MMP3: variants seen among roughly 807,000 people sequenced by gnomAD.
MMP3 encodes the protein matrix metallopeptidase 3.
In MMP3, 46 loss-of-function variants were observed where a neutral mutation model predicts 47.3. That is an observed-to-expected ratio of 0.97 (90% CI 0.77 to 1.24). The LOEUF is 1.24. MMP3 is among the 50% of genes most tolerant of loss of function. MMP3 has a pLI of 0.00. For missense variants in MMP3, 558 were observed against 565.5 expected, an observed-to-expected ratio of 0.99 and a Z score of 0.13; for synonymous variants, 216 against 206.5, an observed-to-expected ratio of 1.05 and a Z score of -0.39.
chr11:102,838,582 T>G lies in MMP3; in HGVS notation c.1198A>C (p.Thr400Pro). ...AAISDKEKNK[T>P]YFFVEDKYWR... ...TATTTGTCCTCTACAAAGAAATATGTTTTGTTCTTTTCCTTATCAGAAATG... is the reference window on the plus strand; with the variant it reads ...TATTTGTCCTCTACAAAGAAATATGGTTTGTTCTTTTCCTTATCAGAAATG... The change falls in exon 8 of 10, where the codon ACA becomes CCA. Residue 400 changes from threonine to proline, a missense_variant. By Grantham distance (38) the Thr-to-Pro change is conservative. Transcript: ENST00000299855. The G allele has an allele frequency of 2.5e-6, 4 of 1,613,894 alleles. No homozygotes were observed. Among genetic ancestry groups the G allele is most frequent in the Non-Finnish European group, 3.4e-6 (4 of 1,179,930 alleles).
chr11:102,840,298 C>T, intron 5 of MMP3, 46 bp from the exon 6 acceptor site: 1 of 1,599,660 alleles, frequency 6.3e-7, no homozygotes. Flanking sequence ...AATATATGCC[C>T]ATTTGTATGC....
chr11:102,838,137 A>G (rs1353702675), intron 8 of MMP3, among the ~76,000 whole-genome samples: 1 of 152,220 alleles, frequency 6.6e-6, no homozygotes, highest in Non-Finnish European at 1.5e-5. Context: ...ACAGTGAGAC[A>G]GTGAGCCAAA....
chr11:102,837,239 C>T lies in MMP3; in HGVS notation c.1333+59G>A. 1 of 1,332,046 alleles carries T rather than the reference C, an allele frequency of 7.5e-7. No homozygotes were observed. Among genetic ancestry groups the T allele is most frequent in the Middle Eastern group, 1.8e-4 (1 of 5,532 alleles). The allele number at this position is 1,332,046 out of a possible 1,614,324, so 82.5% of individuals were successfully genotyped here. A position where few individuals can be genotyped will look rare whatever the true frequency, so the allele number is the denominator to read the frequency against. ...TAAAAAGTTTCAATGCTCCTCTTCC[C>T]TCTGATATCATAAAATGTTTCAAGT... On this transcript the variant is annotated intron_variant, in intron 9 of 9. Transcript: ENST00000299855. This position sits in a 1 kb window ranked among gnomAD's most constrained non-coding sequence, Gnocchi z 4.4.
chr11:102,836,605 T>C lies in MMP3; in HGVS notation c.1334-379A>G. 2.1e-6 allele frequency: 1 copy of C among 476,546 alleles called. No homozygotes were observed. Among genetic ancestry groups the C allele is most frequent in the South Asian group, 1.6e-5 (1 of 64,300 alleles). 29.5% of individuals were successfully genotyped at this position (476,546 alleles called of 1,614,324 possible). The stretch of plus-strand genomic sequence containing the variant: ...ATAAATTCTCCACTTGCTTGGAAAC[T>C]CTCATCACCTATTTCTTTCTTCCCC... On this transcript the variant is annotated intron_variant, in intron 9 of 9. Coordinates refer to ENST00000299855, the MANE Select transcript of MMP3 (RefSeq NM_002422.5). The surrounding 1 kb of genome is among the most constrained non-coding windows in gnomAD (Gnocchi z 4.6).
intron 4 of MMP3, among the ~76,000 whole-genome samples, chr11:102,841,712 GAA>G (rs34093618): frequency 2.9e-4 from 36 of 122,260 alleles, no homozygotes; most frequent in African/African-American, 1.0e-3. Flanking sequence ...GCCTCAGCCA[GAA>G]AAAAAAAAAA....
chr11:102,842,404 C>CTTTTTTTTTTTTTTTTTTT lies in MMP3; in HGVS notation c.499+8_499+26dup, dbSNP rs11418340. The CTTTTTTTTTTTTTTTTTTT allele has an allele frequency of 5.8e-5, 47 of 813,326 alleles. 4 individuals carry two copies. Among genetic ancestry groups the CTTTTTTTTTTTTTTTTTTT allele is most frequent in the South Asian group, 1.7e-4 (6 of 36,128 alleles). The allele number at this position is 813,326 out of a possible 1,614,324, so 50.4% of individuals were successfully genotyped here. On this transcript the variant is annotated intron_variant, in intron 3 of 9. Coordinates refer to ENST00000299855, the MANE Select transcript of MMP3 (RefSeq NM_002422.5). ...GTGTTTTTTGTTTTGTTTTGTTTTG[C>CTTTTTTTTTTTTTTTTTTT]TTTTTTTTTTTTTTTTTTTTTTTTA...
At position 102,839,176 on chromosome 11, in the gene MMP3, A is replaced by G. The variant is rs139072785; in HGVS notation, c.1003T>C (p.Ser335Pro). The G allele has an allele frequency of 3.5e-4, 572 of 1,614,054 alleles. 1 individual carries two copies. Among genetic ancestry groups the G allele is most frequent in the Admixed American group, 5.8e-4 (35 of 60,004 alleles). The change falls in exon 7 of 10, where the codon TCT becomes CCT. Residue 335 changes from serine to proline, a missense_variant. Ser to Pro is a moderately conservative substitution (Grantham distance 74). Coordinates refer to ENST00000299855, the MANE Select transcript of MMP3 (RefSeq NM_002422.5). ...ELHLISSFWP[S>P]LPSGVDAAYE... is the part of the protein sequence containing the mutation. ...GCGGCATCCACGCCTGAAGGAAGAGATGGCCAAAATGAAGAGATCAAATGC... is the reference window on the plus strand; with the variant it reads ...GCGGCATCCACGCCTGAAGGAAGAGGTGGCCAAAATGAAGAGATCAAATGC...
At chr11:102,838,140 G>C (rs977157983) in intron 8 of MMP3, among the ~76,000 whole-genome samples, 4 of 152,180 alleles carry the variant, frequency 2.6e-5, no homozygotes, top group Non-Finnish European at 5.9e-5. Flanking sequence ...GTGAGACAGT[G>C]AGCCAAACTA....
Position 102,843,521 on chromosome 11 carries a change from A to G in MMP3, c.26T>C (p.Leu9Ser). 5 of 1,613,560 alleles carry G rather than the reference A, an allele frequency of 3.1e-6. No homozygotes were observed. Among genetic ancestry groups the G allele is most frequent in the South Asian group, 2.2e-5 (2 of 90,968 alleles). The change falls in exon 1 of 10, where the codon TTG (leucine) becomes TCG (serine). Residue 9 changes from leucine to serine, a missense_variant. Coordinates refer to ENST00000299855, the MANE Select transcript of MMP3 (RefSeq NM_002422.5). MKSLPILL[L>S]LCVAVCSAYP... is the part of the protein sequence containing the mutation. ...GGCTGAGCAAACTGCCACGCACAGCAACAGTAGGATTGGAAGACTCTTCAT... is the reference window on the plus strand; with the variant it reads ...GGCTGAGCAAACTGCCACGCACAGCGACAGTAGGATTGGAAGACTCTTCAT...
chr11:102,842,360 A>G (rs1402097664), intron 3 of MMP3, 71 bp downstream of exon 3: 1 of 1,552,920 alleles, frequency 6.4e-7, no homozygotes, highest in African/African-American at 1.4e-5. Context: ...CACCAGATAG[A>G]TGAATGGATA....
Position 102,836,308 on chromosome 11 carries a change from G to T in MMP3, c.1334-82C>A. ...AATATACAAAACTCAGAATCATAGA[G>T]AACTAAAAATAGAAAGTGTTTATAG... On this transcript the variant is annotated intron_variant, in intron 9 of 9. Coordinates refer to ENST00000299855, the MANE Select transcript of MMP3 (RefSeq NM_002422.5). The surrounding 1 kb of genome is among the most constrained non-coding windows in gnomAD (Gnocchi z 4.6). The T allele has an allele frequency of 2.8e-6, 3 of 1,073,898 alleles. No homozygotes were observed. The highest frequency in any genetic ancestry group is 2.8e-6 in the Non-Finnish European group (2 of 705,462). The allele number at this position is 1,073,898 out of a possible 1,614,324, so 66.5% of individuals were successfully genotyped here. A position where few individuals can be genotyped will look rare whatever the true frequency, so the allele number is the denominator to read the frequency against.
rs1858971487 is a variant in MMP3 at position 102,840,265 on chromosome 11, T to C, written c.791-13A>G. ...TCAGGGGGAGGTCCTAAAGGGAACA[T>C]TAGGGGAAATGTGATACGTTTCAAT... On this transcript the variant is annotated splice_polypyrimidine_tract_variant and intron_variant, in intron 5 of 9. Coordinates refer to ENST00000299855, the MANE Select transcript of MMP3 (RefSeq NM_002422.5). The C allele has an allele frequency of 6.2e-6, 10 of 1,610,836 alleles. No homozygotes were observed. Among genetic ancestry groups the C allele is most frequent in the Non-Finnish European group, 8.5e-6 (10 of 1,178,994 alleles).
chr11:102,842,000 T>C (rs1163943798), intron 4 of MMP3, among the ~76,000 whole-genome samples, 154 bp downstream of exon 4: 1 of 152,212 alleles, frequency 6.6e-6, no homozygotes, highest in Non-Finnish European at 1.5e-5. Flanking sequence ...CTGAAAATAT[T>C]TTCAATAATA....
In MMP3 at chr11:102,842,472, T is replaced by C. The variant is rs782555708; in HGVS notation, c.458A>G (p.Tyr153Cys). 2.8e-6 allele frequency: 4 copies of C among 1,411,956 alleles called. No homozygotes were observed. Among genetic ancestry groups the C allele is most frequent in the African/African-American group, 3.0e-5 (2 of 65,730 alleles). The allele number at this position is 1,411,956 out of a possible 1,614,324, so 87.5% of individuals were successfully genotyped here. Residue 153 changes from tyrosine to cysteine, a missense_variant, in exon 3 of 10, where the codon TAT becomes TGT. Physicochemically the swap from Tyr to Cys is radical, Grantham distance 194 (BLOSUM62 -2). Transcript: ENST00000299855. Reference sequence around the variant, plus strand: ...GATCATTATATCAGCCTCTCCTTCATACAGCCTGGAGAATGTGAGTGGAGT... The same window carrying C: ...GATCATTATATCAGCCTCTCCTTCACACAGCCTGGAGAATGTGAGTGGAGT... ...EVTPLTFSRL[Y>C]EGEADIMISF...
intron 3 of MMP3, 60 bp from the exon 4 acceptor site, chr11:102,842,339 C>T (rs1859014434): frequency 1.9e-6 from 3 of 1,567,800 alleles, no homozygotes; most frequent in East Asian, 4.5e-5. Flanking sequence ...GAGCCTTTTC[C>T]AGTACAACAA....
At chr11:102,838,466 A>G (rs1017288400) in intron 8 of MMP3, 85 bp downstream of exon 8, 10 of 1,417,596 alleles carry the variant, frequency 7.1e-6, no homozygotes, top group African/African-American at 2.9e-5. Flanking sequence ...AAGCAGGCCT[A>G]AGGTTGGGGT....
At position 102,836,389 on chromosome 11, in the gene MMP3, T is replaced by A; in HGVS notation, c.1334-163A>T. 1.5e-6 allele frequency: 1 copy of A among 679,460 alleles called. No individual in the cohort carries two copies. Among genetic ancestry groups the A allele is most frequent in the Non-Finnish European group, 2.7e-6 (1 of 366,524 alleles). The allele number at this position is 679,460 out of a possible 1,614,324, so 42.1% of individuals were successfully genotyped here. A position where few individuals can be genotyped will look rare whatever the true frequency, so the allele number is the denominator to read the frequency against. On this transcript the variant is annotated intron_variant, in intron 9 of 9. Transcript: ENST00000299855. This position sits in a 1 kb window ranked among gnomAD's most constrained non-coding sequence, Gnocchi z 4.6. Reference sequence around the variant, plus strand: ...GCTTGTTACATGAATTTATTTTCATTTATTTCTGCAACAACCCTATGAGGT... The same window carrying A: ...GCTTGTTACATGAATTTATTTTCATATATTTCTGCAACAACCCTATGAGGT...
Position 102,842,593 on chromosome 11 carries a change from A to T in MMP3, c.351-14T>A. The T allele has an allele frequency of 6.2e-7, 1 of 1,613,422 alleles. No individual in the cohort carries two copies. The highest frequency in any genetic ancestry group is 8.5e-7 in the Non-Finnish European group (1 of 1,179,852). ...TAATTCACAATCCTGTAGGAGAAAA[A>T]TTGAAGCAGATGCTATTTTCTCCTA... On this transcript the variant is annotated splice_polypyrimidine_tract_variant and intron_variant, in intron 2 of 9. Coordinates refer to ENST00000299855, the MANE Select transcript of MMP3 (RefSeq NM_002422.5).
At chr11:102,842,332 C>T in intron 3 of MMP3, 53 bp from the exon 4 acceptor site, 3 of 1,571,328 alleles carry the variant, frequency 1.9e-6, no homozygotes, top group Non-Finnish European at 2.6e-6. Context: ...CCCTTTTGAG[C>T]CTTTTCCAGT....
Sources: gnomAD v4.1 joint callset for allele counts (sites outside exome capture counted in the v4.1 genomes callset) on GRCh38, gnomAD v4.1.1 for gene constraint, Gnocchi (gnomAD v3.1) non-coding constraint, MANE v1.5 for transcripts, NCBI Gene and HGNC (gene_info 2026-07-23, HGNC 2026-07-21) for gene names.